SAMD5: variants seen among roughly 807,000 people sequenced by gnomAD.
The protein encoded by SAMD5 is sterile alpha motif domain containing 5, also known as sterile alpha motif domain-containing protein 5.
In SAMD5, 13 loss-of-function variants were observed where a neutral mutation model predicts 11.3. That is an observed-to-expected ratio of 1.15 (90% CI 0.75 to 1.83). The LOEUF is 1.83. Ranked by LOEUF, SAMD5 falls within the 40% of genes most tolerant of loss-of-function variation. The pLI, the probability that SAMD5 is intolerant of heterozygous loss-of-function variation, is 0.00. For missense variants in SAMD5, 255 were observed against 239.1 expected (o/e 1.07, Z -0.44); for synonymous variants, 129 against 111.3 (o/e 1.16, Z -1.00).
At chr6:147,518,143 G>C (rs1014840418) in intron 1 of SAMD5, among the ~76,000 whole-genome samples, 1 of 152,128 alleles carries the variant, frequency 6.6e-6, no homozygotes, top group Non-Finnish European at 1.5e-5. Flanking sequence ...AATCGTGCCC[G>C]GATATCAGTA....
chr6:147,657,610 A>G (rs1020607205), intron 1 of SAMD5, among the ~76,000 whole-genome samples: 1 of 152,216 alleles, frequency 6.6e-6, no homozygotes, highest in Non-Finnish European at 1.5e-5. Context: ...TGGCTTATAA[A>G]CTACAGAAAT....
At chr6:147,745,724 A>T in the SAMD5 span, among the ~76,000 whole-genome samples, 1 of 150,954 alleles carries the variant, frequency 6.6e-6, no homozygotes, top group Admixed American at 6.6e-5. Context: ...TAGGCCAGGC[A>T]TTGTGAAAAG....
intron 1 of SAMD5, among the ~76,000 whole-genome samples, chr6:147,580,842 T>C (rs909924512): frequency 4.6e-5 from 7 of 151,956 alleles, no homozygotes; most frequent in Non-Finnish European, 1.0e-4. Flanking sequence ...TCTCACGTAG[T>C]TCTAGGAGCA....
At chr6:147,903,429 T>G in the SAMD5 span, among the ~76,000 whole-genome samples, 1 of 152,158 alleles carries the variant, frequency 6.6e-6, no homozygotes, top group Admixed American at 6.5e-5. Flanking sequence ...TGCATGTTTT[T>G]GCTAAATGTG....
At chr6:147,866,126 G>T in the SAMD5 span, among the ~76,000 whole-genome samples, 51 of 149,842 alleles carry the variant, frequency 3.4e-4, 1 homozygote, top group South Asian at 8.9e-3. Flanking sequence ...TTTTTTTCCC[G>T]ATAAACTACT....
chr6:147,953,857 G>T, the SAMD5 span: 1 of 152,150 alleles, frequency 6.6e-6, no homozygotes, highest in Non-Finnish European at 1.5e-5. Flanking sequence ...ACCAAGGAAT[G>T]ACTTATAATT....
chr6:147,760,026 C>A, the SAMD5 span, among the ~76,000 whole-genome samples: 1 of 152,040 alleles, frequency 6.6e-6, no homozygotes, highest in Non-Finnish European at 1.5e-5. Context: ...TGTGTCTAAT[C>A]TTTCTGCATG....
chr6:147,669,602 TG>T (rs1363978280), intron 1 of SAMD5, among the ~76,000 whole-genome samples: 1 of 151,934 alleles, frequency 6.6e-6, no homozygotes, highest in Non-Finnish European at 1.5e-5. Flanking sequence ...AGCTAATTTT[TG>T]TATTTTTAGT....
At chr6:147,515,427 T>C (rs1200396337) in intron 1 of SAMD5, among the ~76,000 whole-genome samples, 8 of 136,822 alleles carry the variant, frequency 5.8e-5, no homozygotes, top group African/African-American at 2.3e-4. Flanking sequence ...CCGTCTTCCA[T>C]CCAACCATCC....
chr6:147,607,206 A>G (rs1037103807), intron 1 of SAMD5, among the ~76,000 whole-genome samples: 6 of 152,210 alleles, frequency 3.9e-5, no homozygotes, highest in Non-Finnish European at 1.5e-5. Flanking sequence ...ATGGAAAAAT[A>G]TTGCATGTTC....
the SAMD5 span, among the ~76,000 whole-genome samples, chr6:147,790,439 C>T: frequency 6.6e-6 from 1 of 152,204 alleles, no homozygotes; most frequent in African/African-American, 2.4e-5. Context: ...AATTGCATCA[C>T]ATTAGGTAGG....
chr6:147,704,712 C>G, intron 1 of SAMD5, among the ~76,000 whole-genome samples: 1 of 152,108 alleles, frequency 6.6e-6, no homozygotes, highest in Non-Finnish European at 1.5e-5. Flanking sequence ...GAGGTCCATT[C>G]TTTCAAAGGG....
the SAMD5 span, among the ~76,000 whole-genome samples, chr6:147,806,351 C>T: frequency 6.6e-6 from 1 of 152,144 alleles, no homozygotes; most frequent in South Asian, 2.1e-4. Flanking sequence ...GATGCATTTG[C>T]TGCTACTTCC....
the SAMD5 span, among the ~76,000 whole-genome samples, chr6:147,942,665 A>G: frequency 3.3e-5 from 5 of 152,228 alleles, no homozygotes; most frequent in Middle Eastern, 3.2e-3. Flanking sequence ...CTGCAGCTCC[A>G]GCTGTAGACC....
intron 1 of SAMD5, among the ~76,000 whole-genome samples, chr6:147,713,320 A>T (rs1210479349): frequency 1.3e-5 from 2 of 152,160 alleles, no homozygotes; most frequent in East Asian, 3.9e-4. Flanking sequence ...CAGCTCTGGG[A>T]CCCTGAATGT....
the SAMD5 span, among the ~76,000 whole-genome samples, chr6:147,948,654 G>C: frequency 6.6e-6 from 1 of 152,128 alleles, no homozygotes; most frequent in Non-Finnish European, 1.5e-5. Context: ...TATCTGTATA[G>C]TTAGGTGCTT....
chr6:147,925,827 C>T, the SAMD5 span, among the ~76,000 whole-genome samples: 1 of 151,826 alleles, frequency 6.6e-6, no homozygotes, highest in African/African-American at 2.4e-5. Flanking sequence ...TGCTCTCTTC[C>T]TCCTCCCACC....
Position 147,567,007 on chromosome 6 carries a change from C to T in SAMD5, c.*2551C>T, listed in dbSNP as rs1796069210. The T allele has an allele frequency of 1.2e-6, 1 of 848,604 alleles. No homozygotes were observed. Among genetic ancestry groups the T allele is most frequent in the South Asian group, 5.4e-5 (1 of 18,356 alleles). The allele number at this position is 848,604 out of a possible 1,614,324, so 52.6% of individuals were successfully genotyped here. ...ACTAAGAATAAATATGTTATAAAAA[C>T]TAGGGGATTATCTTGATTTACATTT... is the stretch of plus-strand genomic sequence containing the variant. On this transcript the variant is annotated 3_prime_UTR_variant, in exon 2 of 2. Coordinates refer to ENST00000367474, the MANE Select transcript of SAMD5 (RefSeq NM_001030060.3).
intron 1 of SAMD5, among the ~76,000 whole-genome samples, chr6:147,633,728 A>G (rs1790185129): frequency 1.3e-5 from 2 of 148,782 alleles, no homozygotes; most frequent in Admixed American, 6.7e-5. Context: ...GGAGCAAGCT[A>G]TGATGCCTAT....
Sources: allele counts gnomAD v4.1 joint callset (sites outside exome capture counted in the v4.1 genomes callset), GRCh38; gene constraint gnomAD v4.1.1; transcripts MANE v1.5; gene names NCBI Gene and HGNC (gene_info 2026-07-23, HGNC 2026-07-21).